The following EPG5 variants were observed in gnomAD, a reference collection of about 807,000 sequenced individuals.
The protein encoded by EPG5 is ectopic P granules protein 5 homolog.
A neutral mutation model predicts 302.7 loss-of-function variants in EPG5; 159 were observed. The ratio of observed to expected loss-of-function variants is 0.53; its 90% confidence interval spans 0.46 to 0.60. The LOEUF is 0.60. EPG5 is among the 20% of genes least tolerant of loss of function. EPG5 has a pLI of 0.00. For synonymous variants in EPG5, 1,158 were observed against 1,136.8 expected, an observed-to-expected ratio of 1.02 and a Z score of -0.37; for missense variants, 2,896 against 3,092.4, an observed-to-expected ratio of 0.94 and a Z score of 1.51.
At chr18:45,855,026 C>A (rs932312846) in intron 43 of EPG5, among the ~76,000 whole-genome samples, 1 of 151,942 alleles carries the variant, frequency 6.6e-6, no homozygotes, top group Non-Finnish European at 1.5e-5. Context: ...TTGTACCTGG[C>A]CAGCATGTCC....
chr18:45,836,462 C>T, the EPG5 span, among the ~76,000 whole-genome samples: 2 of 152,150 alleles, frequency 1.3e-5, no homozygotes, highest in South Asian at 2.1e-4. Flanking sequence ...GGCACCACCC[C>T]TGGCCTTATC....
intron 28 of EPG5, among the ~76,000 whole-genome samples, 162 bp from the exon 29 acceptor site, chr18:45,888,069 T>C (rs962290494): frequency 6.6e-6 from 1 of 152,062 alleles, no homozygotes; most frequent in South Asian, 2.1e-4. Context: ...AATATATGTA[T>C]CTTCCAATTT....
In EPG5 at chr18:45,852,189, T is replaced by C. The variant is rs1338584507; in HGVS notation, c.*278A>G. The C allele has an allele frequency of 1.5e-5, 4 of 266,982 alleles. No homozygotes were observed. The highest frequency in any genetic ancestry group is 2.8e-5 in the Non-Finnish European group (4 of 142,694). The allele number at this position is 266,982 out of a possible 1,614,324, so 16.5% of individuals were successfully genotyped here. A position where few individuals can be genotyped will look rare whatever the true frequency, so the allele number is the denominator to read the frequency against. ...GACTGGGACATTCGGCAACTGTGAGTGGCTCTGCACCCAAGTGGAACTTAG... is the reference window on the plus strand; with the variant it reads ...GACTGGGACATTCGGCAACTGTGAGCGGCTCTGCACCCAAGTGGAACTTAG... On this transcript the variant is annotated 3_prime_UTR_variant, in exon 44 of 44. Coordinates refer to ENST00000282041, the MANE Select transcript of EPG5 (RefSeq NM_020964.3).
the EPG5 span, chr18:45,837,088 A>G: frequency 6.2e-7 from 1 of 1,612,668 alleles, no homozygotes; most frequent in Non-Finnish European, 8.5e-7. Flanking sequence ...AGAGGTGCAC[A>G]GTAAGTGCTT....
intron 35 of EPG5, among the ~76,000 whole-genome samples, chr18:45,875,596 C>A (rs879472776): frequency 3.3e-5 from 5 of 151,638 alleles, no homozygotes; most frequent in Non-Finnish European, 7.4e-5. Flanking sequence ...TAGAAATTAC[C>A]CATAATAAAG....
the EPG5 span, among the ~76,000 whole-genome samples, chr18:45,833,988 G>A: frequency 2.6e-5 from 4 of 152,126 alleles, no homozygotes; most frequent in African/African-American, 7.2e-5. Context: ...TGAGGACTCC[G>A]CAGAGCACTG....
intron 1 of EPG5, among the ~76,000 whole-genome samples, chr18:45,966,075 AAC>A (rs1478380583): frequency 6.7e-6 from 1 of 149,684 alleles, no homozygotes; most frequent in East Asian, 2.0e-4. Flanking sequence ...CAAAAACAAA[AAC>A]AAAACAAAAC....
intron 43 of EPG5, among the ~76,000 whole-genome samples, chr18:45,854,471 C>T (rs1393975834): frequency 1.3e-5 from 2 of 152,232 alleles, no homozygotes; most frequent in African/African-American, 2.4e-5. Flanking sequence ...GCCAGTGCGA[C>T]TTCCAGCCCC....
At position 45,952,591 on chromosome 18, in the gene EPG5, A is replaced by C. The variant is rs987186261; in HGVS notation, c.1061T>G (p.Val354Gly). Reference sequence around the variant, plus strand: ...CACCAGTGCATTTTCATTCATTTCTACTCTTTGGTAGCGATGATAGCTGAA... The same window carrying C: ...CACCAGTGCATTTTCATTCATTTCTCCTCTTTGGTAGCGATGATAGCTGAA... ...KVFSYHRYQR[V>G]EMNENALVEL... Residue 354 changes from valine to glycine, a missense_variant, in exon 3 of 44, where the codon GTA becomes GGA. Coordinates refer to ENST00000282041, the MANE Select transcript of EPG5 (RefSeq NM_020964.3). The C allele has an allele frequency of 1.2e-6, 2 of 1,613,946 alleles. No individual in the cohort carries two copies. The highest frequency in any genetic ancestry group is 1.7e-6 in the Non-Finnish European group (2 of 1,180,004).
chr18:45,850,061 T>C lies in EPG5; in HGVS notation c.*2406A>G, dbSNP rs1354275328. The C allele has an allele frequency of 6.6e-6, 1 of 152,182 alleles. No individual in the cohort carries two copies. The highest frequency in any genetic ancestry group is 2.4e-5 in the African/African-American group (1 of 41,414). The allele number at this position is 152,182 out of a possible 1,614,324, so 9.4% of individuals were successfully genotyped here. A position where few individuals can be genotyped will look rare whatever the true frequency, so the allele number is the denominator to read the frequency against. Reference sequence around the variant, plus strand: ...GTGATGGAGAGGGAGAGAGATGTTTTTCATGGCAACCAGAATCCTGCCTCC... The same window carrying C: ...GTGATGGAGAGGGAGAGAGATGTTTCTCATGGCAACCAGAATCCTGCCTCC... On this transcript the variant is annotated 3_prime_UTR_variant, in exon 44 of 44. Coordinates refer to ENST00000282041, the MANE Select transcript of EPG5 (RefSeq NM_020964.3).
intron 16 of EPG5, among the ~76,000 whole-genome samples, chr18:45,921,479 T>A (rs556807842): frequency 6.6e-6 from 1 of 152,236 alleles, no homozygotes; most frequent in Admixed American, 6.5e-5. Context: ...GCACCAGATA[T>A]AGTCTTCATC....
chr18:45,909,285 T>A (rs2049835042), intron 23 of EPG5, among the ~76,000 whole-genome samples: 1 of 152,132 alleles, frequency 6.6e-6, no homozygotes, highest in Non-Finnish European at 1.5e-5. Context: ...AGGAGGGGGA[T>A]ATAACAGAGG....
Position 45,915,595 on chromosome 18 carries a change from C to T in EPG5, c.3609G>A (p.Arg1203=). ...HKNALGYHCD[R]SLLSSLVSWI... is the part of the protein sequence containing the mutation. Reference sequence around the variant, plus strand: ...AGCTTACCAAAGATGAGAGCAGACTCCGGTCACAGTGGTAACCCAAGGCAT... The same window carrying T: ...AGCTTACCAAAGATGAGAGCAGACTTCGGTCACAGTGGTAACCCAAGGCAT... Residue 1203 remains arginine (R), a synonymous_variant, in exon 20 of 44, where the codon CGG becomes CGA. Transcript: ENST00000282041. 3 of 1,614,160 alleles carry T rather than the reference C, an allele frequency of 1.9e-6. No individual in the cohort carries two copies. The highest frequency in any genetic ancestry group is 2.5e-6 in the Non-Finnish European group (3 of 1,180,010).
intron 13 of EPG5, among the ~76,000 whole-genome samples, chr18:45,927,711 T>G (rs2050307543): frequency 6.6e-6 from 1 of 151,962 alleles, no homozygotes; most frequent in South Asian, 2.1e-4. Context: ...ACCTTGAGGA[T>G]ATCATGCTAG....
downstream of EPG5, among the ~76,000 whole-genome samples, chr18:45,845,529 C>T (rs11660043): frequency 0.49 from 74,859 of 152,100 alleles, 19,274 homozygotes; most frequent in Non-Finnish European, 0.58. Context: ...AGCAGAGCTG[C>T]CTGTCTTCCC....
At chr18:45,854,238 C>A (rs1428815414) in intron 43 of EPG5, among the ~76,000 whole-genome samples, 1 of 152,226 alleles carries the variant, frequency 6.6e-6, no homozygotes, top group African/African-American at 2.4e-5. Flanking sequence ...CAATGAGTGA[C>A]AACTATCAGC....
chr18:45,823,386 A>C, the EPG5 span, among the ~76,000 whole-genome samples: 1 of 152,148 alleles, frequency 6.6e-6, no homozygotes, highest in Non-Finnish European at 1.5e-5. Context: ...CTAAGAGGCA[A>C]CTTGAGCTTT....
chr18:45,967,255 G>A lies in EPG5; in HGVS notation c.-16C>T, dbSNP rs1176659167. ...CCTCGGCCATAGACCCTTCCGCGGC[G>A]CCGTCACCGTTTGTTTTTGTCAAAC... On this transcript the variant is annotated 5_prime_UTR_variant, in exon 1 of 44. Transcript: ENST00000282041. The A allele has an allele frequency of 6.3e-7, 1 of 1,579,232 alleles. No homozygotes were observed. Among genetic ancestry groups the A allele is most frequent in the African/African-American group, 1.4e-5 (1 of 73,820 alleles).
chr18:45,909,688 A>G (rs950989294), intron 23 of EPG5, among the ~76,000 whole-genome samples: 77 of 152,220 alleles, frequency 5.1e-4, no homozygotes, highest in African/African-American at 1.8e-3. Flanking sequence ...TTTATAGGGC[A>G]CATATTTTTG....
Sources: allele counts gnomAD v4.1 joint callset (sites outside exome capture counted in the v4.1 genomes callset), GRCh38; gene constraint gnomAD v4.1.1; transcripts MANE v1.5; gene names NCBI Gene and HGNC (gene_info 2026-07-23, HGNC 2026-07-21).